The following SCIN variants were observed in gnomAD, a reference collection of about 807,000 sequenced individuals.
The protein encoded by SCIN is scinderin.
SCIN carries 91 observed loss-of-function variants against 91.8 expected under a neutral mutation model. The ratio of observed to expected loss-of-function variants is 0.99; its 90% CI spans 0.84 to 1.18. The LOEUF is 1.18. Ranked by LOEUF, SCIN falls within the 50% of genes most tolerant of loss-of-function variation. The pLI, the probability that SCIN is intolerant of heterozygous loss-of-function variation, is 0.00. For missense variants in SCIN, 1,087 were observed against 863.9 expected (o/e 1.26, Z -3.24); for synonymous variants, 367 against 312.6 (o/e 1.17, Z -1.84).
chr7:12,610,868 C>A (rs539863814), intron 4 of SCIN, among the ~76,000 whole-genome samples: 1 of 152,282 alleles, frequency 6.6e-6, no homozygotes, highest in South Asian at 2.1e-4. Context: ...GGCATATACT[C>A]CAAGTGAAAG....
intron 1 of SCIN, among the ~76,000 whole-genome samples, chr7:12,571,884 C>G (rs1782278637): frequency 6.6e-6 from 1 of 152,154 alleles, no homozygotes; most frequent in African/African-American, 2.4e-5. Context: ...AGCCTCTCCC[C>G]AGGAGGTCTT....
chr7:12,622,185 G>A (rs1467294336), intron 4 of SCIN, among the ~76,000 whole-genome samples: 2 of 151,758 alleles, frequency 1.3e-5, no homozygotes, highest in Non-Finnish European at 2.9e-5. Context: ...TGGACTTTTG[G>A]ATTGCATCAC....
At chr7:12,573,595 C>A (rs56339047) in intron 1 of SCIN, among the ~76,000 whole-genome samples, 2 of 151,994 alleles carry the variant, frequency 1.3e-5, no homozygotes, top group African/African-American at 4.8e-5. Context: ...TGCATTAGCC[C>A]TTCTTTAAAA....
At chr7:12,630,876 T>C (rs2115280402) in intron 9 of SCIN, among the ~76,000 whole-genome samples, 2 of 152,336 alleles carry the variant, frequency 1.3e-5, no homozygotes, top group South Asian at 4.1e-4. Context: ...GCAATTTCCT[T>C]TTCTAAAATT....
chr7:12,635,600 G>GTGA (rs1783732994), intron 9 of SCIN, among the ~76,000 whole-genome samples: 1 of 117,640 alleles, frequency 8.5e-6, no homozygotes, highest in Non-Finnish European at 1.7e-5. Context: ...CGACAGTGCA[G>GTGA]GACTCCGTCT....
At chr7:12,579,513 T>C (rs1216252013) in intron 2 of SCIN, among the ~76,000 whole-genome samples, 1 of 152,216 alleles carries the variant, frequency 6.6e-6, no homozygotes, top group East Asian at 1.9e-4. Context: ...CACATATGAC[T>C]TGTTTGCTTT....
At chr7:12,650,084 A>G (rs912590496) in intron 14 of SCIN, among the ~76,000 whole-genome samples, 4 of 152,214 alleles carry the variant, frequency 2.6e-5, no homozygotes, top group African/African-American at 9.7e-5. Context: ...CCTCTAAATT[A>G]ACGGTGAAAG....
Position 12,652,685 on chromosome 7 carries a change from G to C in SCIN, c.2118G>C (p.Trp706Cys), listed in dbSNP as rs1368365557. The change falls in exon 16 of 16, where the codon TGG becomes TGC. Residue 706 changes from tryptophan to cysteine, a missense_variant. By Grantham distance (215) the Trp-to-Cys change is radical. Coordinates refer to ENST00000297029, the MANE Select transcript of SCIN (RefSeq NM_001112706.3). ...QGHEPPTFTG[W>C]FLGWDSSKW ...ATGAGCCACCCACATTCACAGGCTG[G>C]TTCCTGGGCTGGGATTCCAGCAAGT... The C allele has an allele frequency of 6.2e-7, 1 of 1,605,862 alleles. No individual in the cohort carries two copies. The highest frequency in any genetic ancestry group is 1.3e-5 in the African/African-American group (1 of 74,172).
At position 12,649,600 on chromosome 7, in the gene SCIN, G is replaced by T. The variant is rs1784037531; in HGVS notation, c.1959+56G>T. On this transcript the variant is annotated intron_variant, in intron 14 of 15. Transcript: ENST00000297029. The stretch of plus-strand genomic sequence containing the variant: ...ATGCATTTTTGGTTGGGAGATGACA[G>T]AACTTGATCTGAGAAATGGTAAGTC... 4 of 1,170,678 alleles carry T rather than the reference G, an allele frequency of 3.4e-6. No homozygotes were observed. In the East Asian group the frequency reaches 1.0e-4, roughly 29 times the overall value. 72.5% of individuals were successfully genotyped at this position (1,170,678 alleles called of 1,614,324 possible).
chr7:12,602,886 A>T (rs753657034), intron 3 of SCIN, among the ~76,000 whole-genome samples: 52 of 152,180 alleles, frequency 3.4e-4, no homozygotes, highest in Non-Finnish European at 6.3e-4. Context: ...TCCTGAGGTG[A>T]CGTACATCTT....
In SCIN at chr7:12,620,553, C is replaced by T. The variant is rs1056344291; in HGVS notation, c.667-2248C>T. Among the ~76,000 whole-genome samples, 111 of 152,138 alleles carry T rather than the reference C, an allele frequency of 7.3e-4. 1 individual carries two copies. The highest frequency in any genetic ancestry group is 1.3e-4 in the Admixed American group (2 of 15,264). On this transcript the variant is annotated intron_variant, in intron 4 of 15. Coordinates refer to ENST00000297029, the MANE Select transcript of SCIN (RefSeq NM_001112706.3). ...TCCTTGATCTAGAGTCATATTCCTA[C>T]AACATAGGAGTAATGTGAAATAAGG...
chr7:12,635,426 A>T (rs1425434484), intron 9 of SCIN, among the ~76,000 whole-genome samples: 4 of 151,312 alleles, frequency 2.6e-5, no homozygotes, highest in Admixed American at 2.6e-4. Flanking sequence ...CCTGGCCAAC[A>T]TAGTGACACC....
intron 1 of SCIN, 92 bp downstream of exon 1, chr7:12,571,077 G>C: frequency 7.4e-7 from 1 of 1,357,310 alleles, no homozygotes. Context: ...GGAGTAAAGG[G>C]GACCGCAAAC....
chr7:12,631,077 G>A (rs1783632921), intron 9 of SCIN, among the ~76,000 whole-genome samples: 1 of 152,206 alleles, frequency 6.6e-6, no homozygotes, highest in Admixed American at 6.5e-5. Context: ...GCAAAAGAGT[G>A]TTTTGAGGAA....
chr7:12,604,780 C>A, intron 4 of SCIN, 117 bp downstream of exon 4: 2 of 805,046 alleles, frequency 2.5e-6, no homozygotes, highest in Non-Finnish European at 3.8e-6. Context: ...AGATTCAACA[C>A]ATGTTTCAAT....
In SCIN at chr7:12,605,176, C is replaced by T. The variant is rs565822050; in HGVS notation, c.666+513C>T. ...ACGCCATTCTCCTGCCTCAGCCTCC[C>T]TAGTAGCTGGGACTACAGGCGCCCA... is the stretch of plus-strand genomic sequence containing the variant. On this transcript the variant is annotated intron_variant, in intron 4 of 15. Transcript: ENST00000297029. Among the ~76,000 whole-genome samples, 184 of 152,136 alleles carry T rather than the reference C, an allele frequency of 1.2e-3. 1 individual carries two copies. The highest frequency in any genetic ancestry group is 4.0e-3 in the African/African-American group (166 of 41,464).
chr7:12,618,670 G>T (rs1419156327), intron 4 of SCIN, among the ~76,000 whole-genome samples: 2 of 152,024 alleles, frequency 1.3e-5, no homozygotes, highest in Admixed American at 6.6e-5. Flanking sequence ...CTTACCTAAG[G>T]CATAAAATGC....
At chr7:12,631,813 G>C (rs968909789) in intron 9 of SCIN, among the ~76,000 whole-genome samples, 10 of 152,202 alleles carry the variant, frequency 6.6e-5, no homozygotes, top group Admixed American at 4.6e-4. Flanking sequence ...ACTAAGACAG[G>C]CTCCTAGAAA....
intron 3 of SCIN, among the ~76,000 whole-genome samples, chr7:12,602,438 G>A (rs1193839783): frequency 2.0e-5 from 3 of 152,146 alleles, no homozygotes; most frequent in South Asian, 2.1e-4. Context: ...AACAGGGTTC[G>A]AGAGCAGAGA....
Sources: gnomAD v4.1 joint callset for allele counts (sites outside exome capture counted in the v4.1 genomes callset) on GRCh38, gnomAD v4.1.1 for gene constraint, MANE v1.5 for transcripts, NCBI Gene and HGNC (gene_info 2026-07-23, HGNC 2026-07-21) for gene names.